Variants in REV3L observed in about 807,000 individuals in gnomAD.
REV3L encodes the protein DNA polymerase zeta catalytic subunit.
A neutral mutation model predicts 299.4 loss-of-function variants in REV3L; 69 were observed. The observed-to-expected ratio is 0.23, with a 90% CI of 0.19 to 0.28. The LOEUF (loss-of-function observed/expected upper bound fraction) is 0.28. REV3L is among the 10% of genes least tolerant of loss of function. The pLI is 1.00. For missense variants in REV3L, 3,128 were observed against 3,693.8 expected (o/e 0.85, Z 3.97); for synonymous variants, 1,238 against 1,271.4 (o/e 0.97, Z 0.56).
chr6:111,381,463 A>T lies in REV3L; in HGVS notation c.1097-19T>A, dbSNP rs779896218. 3 of 1,573,418 alleles carry T rather than the reference A, an allele frequency of 1.9e-6. No individual in the cohort carries two copies. The highest frequency in any genetic ancestry group is 2.7e-5 in the African/African-American group (2 of 73,130). On this transcript the variant is annotated intron_variant, in intron 9 of 31. Transcript: ENST00000368802. ...GTGTGACCTTAATTTGACAAAGAAT[A>T]AAAAAAATTGAAGCAATGGCCTAAA... is the stretch of plus-strand genomic sequence containing the variant.
chr6:111,477,328 A>G (rs1403712067), intron 1 of REV3L, among the ~76,000 whole-genome samples: 2 of 152,230 alleles, frequency 1.3e-5, no homozygotes, highest in Non-Finnish European at 2.9e-5. Flanking sequence ...GAAACACATT[A>G]TCAGGATTTC....
At chr6:111,434,658 A>G (rs1240214215) in intron 1 of REV3L, among the ~76,000 whole-genome samples, 1 of 151,986 alleles carries the variant, frequency 6.6e-6, no homozygotes, top group Non-Finnish European at 1.5e-5. Context: ...GTAAAGTTGT[A>G]GGATACAAAA....
chr6:111,372,439 T>C (rs1397015725), intron 13 of REV3L, among the ~76,000 whole-genome samples, 157 bp downstream of exon 13: 1 of 152,192 alleles, frequency 6.6e-6, no homozygotes, highest in Non-Finnish European at 1.5e-5. Flanking sequence ...TAATTAGAAA[T>C]ACTTTCCACA....
At chr6:111,421,556 C>T (rs1486453538) in intron 1 of REV3L, among the ~76,000 whole-genome samples, 1 of 152,076 alleles carries the variant, frequency 6.6e-6, no homozygotes, top group Non-Finnish European at 1.5e-5. Flanking sequence ...TAGTAGTTTG[C>T]CAATCTCTGC....
At chr6:111,429,447 A>G (rs761283829) in intron 1 of REV3L, among the ~76,000 whole-genome samples, 38 of 152,254 alleles carry the variant, frequency 2.5e-4, no homozygotes, top group Non-Finnish European at 4.0e-4. Flanking sequence ...GAAAGCTTGT[A>G]AAGGTATAAA....
At chr6:111,325,815 T>C (rs1439465347) in intron 25 of REV3L, among the ~76,000 whole-genome samples, 1 of 152,224 alleles carries the variant, frequency 6.6e-6, no homozygotes, top group East Asian at 1.9e-4. Context: ...TATTTAAAAA[T>C]ATACAATAAG....
chr6:111,351,829 AC>A, intron 18 of REV3L, 38 bp from the exon 19 acceptor site: 1 of 1,332,928 alleles, frequency 7.5e-7, no homozygotes, highest in Non-Finnish European at 1.1e-6. Flanking sequence ...TAAGTACCAT[AC>A]ATTTGAACCT....
chr6:111,370,767 C>A (rs1301064835), intron 13 of REV3L, among the ~76,000 whole-genome samples: 1 of 151,988 alleles, frequency 6.6e-6, no homozygotes, highest in East Asian at 1.9e-4. Context: ...AGAAGTTTCC[C>A]ATATATCCCT....
intron 3 of REV3L, among the ~76,000 whole-genome samples, chr6:111,406,018 T>G (rs998373140): frequency 1.3e-5 from 2 of 152,226 alleles, no homozygotes; most frequent in African/African-American, 4.8e-5. Context: ...GCCATTTTGA[T>G]ATTTTTCTTT....
chr6:111,302,575 T>C (rs1771696857), intron 31 of REV3L, among the ~76,000 whole-genome samples: 1 of 152,310 alleles, frequency 6.6e-6, no homozygotes, highest in Admixed American at 6.5e-5. Flanking sequence ...TTAATCTTTA[T>C]TCTTTTTACT....
intron 25 of REV3L, among the ~76,000 whole-genome samples, chr6:111,324,051 G>A (rs748861795): frequency 6.6e-6 from 1 of 152,142 alleles, no homozygotes; most frequent in Non-Finnish European, 1.5e-5. Context: ...CCAGGCTGGA[G>A]TGCAGTGGTG....
At chr6:111,435,691 C>A (rs1447422347) in intron 1 of REV3L, among the ~76,000 whole-genome samples, 1 of 152,142 alleles carries the variant, frequency 6.6e-6, no homozygotes, top group African/African-American at 2.4e-5. Flanking sequence ...TTAAATCTAA[C>A]ACCTGAAACT....
chr6:111,437,346 T>C (rs1395229149), intron 1 of REV3L, among the ~76,000 whole-genome samples: 1 of 151,998 alleles, frequency 6.6e-6, no homozygotes, highest in African/African-American at 2.4e-5. Context: ...CAGAAGTCCA[T>C]CAATTGATGA....
intron 1 of REV3L, among the ~76,000 whole-genome samples, chr6:111,438,193 A>G (rs1420420194): frequency 6.6e-6 from 1 of 151,944 alleles, no homozygotes; most frequent in African/African-American, 2.4e-5. Flanking sequence ...ACAATCTTTT[A>G]AACTTATCTA....
intron 4 of REV3L, among the ~76,000 whole-genome samples, chr6:111,404,741 A>AT (rs1208112285): frequency 6.6e-6 from 1 of 152,190 alleles, no homozygotes; most frequent in Admixed American, 6.5e-5. Flanking sequence ...TAGCCATGTT[A>AT]TTCTGTTTTG....
Position 111,482,623 on chromosome 6 carries a change from G to A in REV3L, c.139+127C>T, listed in dbSNP as rs1008067287. 2.1e-5 allele frequency: 9 copies of A among 436,184 alleles called. No individual in the cohort carries two copies. The South Asian group carries it at 3.0e-4, about 15-fold the overall frequency. 27.0% of individuals were successfully genotyped at this position (436,184 alleles called of 1,614,324 possible). On this transcript the variant is annotated intron_variant, in intron 1 of 31. Coordinates refer to ENST00000368802, the MANE Select transcript of REV3L (RefSeq NM_001372078.1). ...GAAAAGGCGAGGAGGGCGGAGGGGA[G>A]GGAAGACGCGGCAGCGATCCACGGA...
intron 3 of REV3L, among the ~76,000 whole-genome samples, chr6:111,409,432 G>T (rs75072506): frequency 1.2e-3 from 177 of 151,394 alleles, no homozygotes; most frequent in Middle Eastern, 0.01. Flanking sequence ...TCATTACCCT[G>T]ATTTGAGACA....
intron 1 of REV3L, among the ~76,000 whole-genome samples, chr6:111,478,743 T>A (rs553399098): frequency 5.9e-5 from 9 of 152,310 alleles, no homozygotes; most frequent in African/African-American, 2.2e-4. Context: ...ATATAGCATT[T>A]CAGAATTATC....
intron 31 of REV3L, among the ~76,000 whole-genome samples, chr6:111,303,312 C>T (rs377455500): frequency 4.9e-5 from 7 of 144,012 alleles, no homozygotes; most frequent in African/African-American, 1.3e-4. Context: ...GCTGGGATTG[C>T]GGGTGCCCGC....
Sources: allele counts gnomAD v4.1 joint callset (sites outside exome capture counted in the v4.1 genomes callset), GRCh38; gene constraint gnomAD v4.1.1; transcripts MANE v1.5; gene names NCBI Gene and HGNC (gene_info 2026-07-23, HGNC 2026-07-21).